The following TMEM245 variants were observed in gnomAD, a reference collection of about 807,000 sequenced individuals.
TMEM245 encodes protein CG-2.
In TMEM245, 69 loss-of-function variants were observed where a neutral mutation model predicts 101.2. The ratio of observed to expected loss-of-function variants is 0.68; its 90% CI spans 0.56 to 0.83. The LOEUF (loss-of-function observed/expected upper bound fraction) is 0.83. Ranked by LOEUF, TMEM245 falls within the 40% of genes least tolerant of loss-of-function variation. The probability of loss-of-function intolerance (pLI) is 0.00; values close to 1 mark genes in which losing one functional copy is unlikely to be tolerated. For synonymous variants in TMEM245, 537 were observed against 449.8 expected (o/e 1.19, Z -2.45); for missense variants, 1,075 against 1,092.8 (o/e 0.98, Z 0.23).
At chr9:109,076,032 T>C (rs2132501616) in intron 8 of TMEM245, among the ~76,000 whole-genome samples, 3 of 152,346 alleles carry the variant, frequency 2.0e-5, no homozygotes, top group Middle Eastern at 6.8e-3. Context: ...TGATATGCAG[T>C]GGCTTCATTT....
chr9:109,037,447 C>T (rs1828165119), intron 15 of TMEM245, among the ~76,000 whole-genome samples: 1 of 152,146 alleles, frequency 6.6e-6, no homozygotes, highest in Non-Finnish European at 1.5e-5. Context: ...AATTGTAATC[C>T]CCAATGTTGG....
intron 3 of TMEM245, among the ~76,000 whole-genome samples, chr9:109,095,297 TA>T (rs1165049511): frequency 6.6e-6 from 1 of 152,158 alleles, no homozygotes; most frequent in African/African-American, 2.4e-5. Flanking sequence ...GTGCTGGGGA[TA>T]AAGACACAGA....
At chr9:109,061,947 G>A (rs963676203) in intron 10 of TMEM245, among the ~76,000 whole-genome samples, 1 of 152,024 alleles carries the variant, frequency 6.6e-6, no homozygotes, top group Non-Finnish European at 1.5e-5. Context: ...ATATATGGAT[G>A]TTCATTGCAG....
intron 8 of TMEM245, among the ~76,000 whole-genome samples, chr9:109,078,830 T>C (rs1829591252): frequency 6.6e-6 from 1 of 152,230 alleles, no homozygotes; most frequent in South Asian, 2.1e-4. Context: ...CTTCAAATAA[T>C]TTTTTCTACC....
At chr9:109,100,059 T>C (rs529610966) in intron 3 of TMEM245, among the ~76,000 whole-genome samples, 1 of 152,310 alleles carries the variant, frequency 6.6e-6, no homozygotes, top group African/African-American at 2.4e-5. Context: ...TGTGTTACTC[T>C]GTCACAGCAG....
At chr9:109,108,909 TAC>T (rs1830498462) in intron 1 of TMEM245, among the ~76,000 whole-genome samples, 3 of 152,274 alleles carry the variant, frequency 2.0e-5, no homozygotes, top group African/African-American at 4.8e-5. Context: ...ATGGAATTCC[TAC>T]AGTTTTCTCT....
At position 109,020,152 on chromosome 9, in the gene TMEM245, T is replaced by C. The variant is rs924112671; in HGVS notation, c.*308A>G. On this transcript the variant is annotated 3_prime_UTR_variant, in exon 18 of 18. Coordinates refer to ENST00000374586, the MANE Select transcript of TMEM245 (RefSeq NM_032012.4). ...TTTATAAATATATAATATAGTAACA[T>C]AGATAACCAAAGTGGAAAAATTTCA... The C allele has an allele frequency of 6.7e-6, 2 of 300,676 alleles. No homozygotes were observed. The highest frequency in any genetic ancestry group is 4.3e-5 in the African/African-American group (2 of 46,080). 18.6% of individuals were successfully genotyped at this position (300,676 alleles called of 1,614,324 possible).
At chr9:109,079,125 T>A (rs1829598297) in intron 8 of TMEM245, among the ~76,000 whole-genome samples, 1 of 152,190 alleles carries the variant, frequency 6.6e-6, no homozygotes, top group Admixed American at 6.5e-5. Context: ...CCAGCTACAG[T>A]AGCAGCTTTT....
rs761534512 is a variant in TMEM245 at position 109,020,380 on chromosome 9, G to A, written c.*80C>T. On this transcript the variant is annotated 3_prime_UTR_variant, in exon 18 of 18. Coordinates refer to ENST00000374586, the MANE Select transcript of TMEM245 (RefSeq NM_032012.4). ...GGGTTTTGCTTGCTAGGCACAGCTG[G>A]AAGGGCAGAGGGCCACAGCTGAGCT... 19 of 1,401,464 alleles carry A rather than the reference G, an allele frequency of 1.4e-5. No homozygotes were observed. 86.8% of individuals were successfully genotyped at this position (1,401,464 alleles called of 1,614,324 possible).
chr9:109,039,946 A>C (rs1030858675), intron 14 of TMEM245, among the ~76,000 whole-genome samples: 4 of 152,184 alleles, frequency 2.6e-5, no homozygotes, highest in African/African-American at 9.7e-5. Context: ...TTATTTAAAA[A>C]ATTTAAGCCA....
intron 17 of TMEM245, among the ~76,000 whole-genome samples, chr9:109,021,353 G>A (rs1305905385): frequency 6.6e-6 from 1 of 152,170 alleles, no homozygotes; most frequent in Non-Finnish European, 1.5e-5. Flanking sequence ...ATGGAGAGAG[G>A]CTGGGACCAG....
rs1392964377 is a variant in TMEM245, at chr9:109,109,347, G to A, written c.580-777C>T. On this transcript the variant is annotated intron_variant, in intron 1 of 17. Transcript: ENST00000374586. ...ATAGAACATTTATAAAACACAGAGG[G>A]AATACATAATCCAGAACACATCTGA... Among the ~76,000 whole-genome samples, 7 of 149,198 alleles carry A rather than the reference G, an allele frequency of 4.7e-5. No individual in the cohort carries two copies. In the Admixed American group the frequency reaches 4.7e-4, roughly 10 times the overall value.
rs1427371551 is a variant in TMEM245 at position 109,119,662 on chromosome 9, C to T, written c.252G>A (p.Leu84=). 1.3e-6 allele frequency: 2 copies of T among 1,556,286 alleles called. No individual in the cohort carries two copies. The highest frequency in any genetic ancestry group is 1.7e-6 in the Non-Finnish European group (2 of 1,152,750). The change falls in exon 1 of 18, where the codon CTG becomes CTA. Residue 84 remains leucine (L), a synonymous_variant. Coordinates refer to ENST00000374586, the MANE Select transcript of TMEM245 (RefSeq NM_032012.4). Reference sequence around the variant, plus strand: ...AAGTGCCGCATAGCACGGCCCAGAGCAGCGGCCGCAGGAAGGCCTCCAGGA... The same window carrying T: ...AAGTGCCGCATAGCACGGCCCAGAGTAGCGGCCGCAGGAAGGCCTCCAGGA... The part of the protein sequence containing the change: ...YFILEAFLRP[L]LWAVLCGTFL...
At chr9:109,074,805 A>G (rs574859282) in intron 8 of TMEM245, among the ~76,000 whole-genome samples, 53 of 152,346 alleles carry the variant, frequency 3.5e-4, no homozygotes, top group African/African-American at 1.3e-3. Flanking sequence ...TACCACTTCC[A>G]ATTCTATCGG....
At chr9:109,113,842 C>A (rs752490502) in intron 1 of TMEM245, among the ~76,000 whole-genome samples, 7 of 152,188 alleles carry the variant, frequency 4.6e-5, no homozygotes, top group Non-Finnish European at 8.8e-5. Flanking sequence ...ATAATCCCAG[C>A]ACTTTGGGAG....
chr9:109,085,353 G>C (rs112349804), intron 7 of TMEM245, among the ~76,000 whole-genome samples: 14 of 152,192 alleles, frequency 9.2e-5, no homozygotes, highest in African/African-American at 3.4e-4. Context: ...ATCTGGATTA[G>C]CCTTTATTGA....
chr9:109,041,200 AAC>A (rs1828291565), intron 14 of TMEM245, among the ~76,000 whole-genome samples: 2 of 152,156 alleles, frequency 1.3e-5, no homozygotes, highest in African/African-American at 2.4e-5. Flanking sequence ...AGCACCTAGT[AAC>A]TGACCTAGTG....
At chr9:109,020,979 G>C (rs899809898) in intron 17 of TMEM245, among the ~76,000 whole-genome samples, 1 of 152,198 alleles carries the variant, frequency 6.6e-6, no homozygotes, top group Non-Finnish European at 1.5e-5. Context: ...AGCTCTAAGG[G>C]ATGTGGTTCA....
At chr9:109,112,606 T>G (rs1201249843) in intron 1 of TMEM245, among the ~76,000 whole-genome samples, 2 of 150,778 alleles carry the variant, frequency 1.3e-5, no homozygotes. Flanking sequence ...CACAGTACAA[T>G]GATAAATGAA....
Sources: allele counts gnomAD v4.1 joint callset (sites outside exome capture counted in the v4.1 genomes callset), GRCh38; gene constraint gnomAD v4.1.1; transcripts MANE v1.5; gene names NCBI Gene and HGNC (gene_info 2026-07-23, HGNC 2026-07-21).